NEDD4: variants seen among roughly 807,000 people sequenced by gnomAD.
NEDD4 encodes the protein NEDD4 E3 ubiquitin protein ligase.
In NEDD4, 99 loss-of-function variants were observed where a neutral mutation model predicts 144.9. The observed-to-expected ratio is 0.68, with a 90% CI of 0.58 to 0.81. NEDD4 has a LOEUF of 0.81. Ranked by LOEUF, NEDD4 falls within the 30% of genes least tolerant of loss-of-function variation. The probability of loss-of-function intolerance (pLI) is 0.00; values close to 1 mark genes in which losing one functional copy is unlikely to be tolerated. For missense variants in NEDD4, 985 were observed against 1,065.9 expected, an observed-to-expected ratio of 0.92 and a Z score of 1.06; for synonymous variants, 318 against 350.6, an observed-to-expected ratio of 0.91 and a Z score of 1.04.
At chr15:55,918,706 G>A (rs1479943571) in intron 5 of NEDD4, among the ~76,000 whole-genome samples, 1 of 152,120 alleles carries the variant, frequency 6.6e-6, no homozygotes, top group Non-Finnish European at 1.5e-5. Flanking sequence ...TGACTAGAAT[G>A]AAACAGCCCT....
At chr15:55,924,926 G>C (rs1040713967) in intron 4 of NEDD4, among the ~76,000 whole-genome samples, 1 of 152,160 alleles carries the variant, frequency 6.6e-6, no homozygotes, top group Non-Finnish European at 1.5e-5. Context: ...AAATGAGCCA[G>C]GTATGGTGGC....
chr15:55,889,713 T>TG (rs1321257425), intron 5 of NEDD4, among the ~76,000 whole-genome samples: 10 of 152,228 alleles, frequency 6.6e-5, no homozygotes, highest in African/African-American at 2.2e-4. Flanking sequence ...TGTTTTGTTT[T>TG]TTTTGGAGAC....
intron 9 of NEDD4, among the ~76,000 whole-genome samples, chr15:55,862,202 T>C (rs1298248420): frequency 6.6e-6 from 1 of 152,090 alleles, no homozygotes; most frequent in African/African-American, 2.4e-5. Flanking sequence ...GCACAAAATA[T>C]CATAGCCAAA....
At chr15:55,919,672 T>G (rs1381779008) in intron 5 of NEDD4, among the ~76,000 whole-genome samples, 1 of 152,168 alleles carries the variant, frequency 6.6e-6, no homozygotes, top group Non-Finnish European at 1.5e-5. Context: ...CTGGAAAGAA[T>G]CCATGCAAGT....
rs144267521 is a variant in NEDD4, at chr15:55,982,103, G to A, written c.45+11408C>T. The stretch of plus-strand genomic sequence containing the variant: ...GGCTGGGAGACAGGAGTAGGAGGAG[G>A]GCTTTGGCTGAAACTTCAAATGTTG... On this transcript the variant is annotated intron_variant, in intron 1 of 28. Coordinates refer to ENST00000435532, the MANE Select transcript of NEDD4 (RefSeq NM_006154.4). 2.9e-4 allele frequency among the ~76,000 whole-genome samples: 44 copies of A among 152,218 alleles called. 1 individual carries two copies. In the East Asian group the frequency reaches 8.3e-3, roughly 29 times the overall value.
chr15:55,932,351 C>T (rs942556576), intron 4 of NEDD4, among the ~76,000 whole-genome samples: 2 of 152,056 alleles, frequency 1.3e-5, no homozygotes, highest in Admixed American at 6.6e-5. Context: ...ATAGAGCCCT[C>T]GGAAATAATA....
intron 5 of NEDD4, 129 bp from the exon 6 acceptor site, chr15:55,874,137 T>C (rs148736733): frequency 4.6e-5 from 22 of 480,746 alleles, no homozygotes; most frequent in African/African-American, 2.5e-4. Context: ...GCAGCATCAA[T>C]GGAAAATAAA....
intron 5 of NEDD4, among the ~76,000 whole-genome samples, chr15:55,897,074 C>T (rs915458458): frequency 3.9e-5 from 6 of 152,100 alleles, no homozygotes; most frequent in East Asian, 3.8e-4. Flanking sequence ...CCCAGGTTCA[C>T]GCCATTCTCC....
intron 1 of NEDD4, among the ~76,000 whole-genome samples, chr15:55,992,429 A>G (rs1358689954): frequency 3.3e-5 from 5 of 152,234 alleles, no homozygotes; most frequent in Non-Finnish European, 5.9e-5. Context: ...CCAAGGTACT[A>G]AGAGAAGGAA....
rs1197378940 is a variant in NEDD4, at chr15:55,829,488, C to T, written c.*409G>A. On this transcript the variant is annotated 3_prime_UTR_variant, in exon 29 of 29. Coordinates refer to ENST00000435532, the MANE Select transcript of NEDD4 (RefSeq NM_006154.4). ...CTCAAAATGCATCAAACTTTTCACA[C>T]ATGACACGTATCACAAATATTTCAC... 1 of 155,830 alleles carries T rather than the reference C, an allele frequency of 6.4e-6. No homozygotes were observed. Among genetic ancestry groups the T allele is most frequent in the Non-Finnish European group, 1.4e-5 (1 of 70,068 alleles). The allele number at this position is 155,830 out of a possible 1,614,324, so 9.7% of individuals were successfully genotyped here.
At chr15:55,905,177 C>A in intron 5 of NEDD4, 2 of 401,352 alleles carry the variant, frequency 5.0e-6, no homozygotes, top group Non-Finnish European at 9.9e-6. Flanking sequence ...GTTAAGAATT[C>A]TGTAAGTAAA....
chr15:55,907,678 T>TTTGTTA (rs2036144459), intron 5 of NEDD4, among the ~76,000 whole-genome samples: 1 of 152,198 alleles, frequency 6.6e-6, no homozygotes, highest in Non-Finnish European at 1.5e-5. Context: ...AGGTCATTCT[T>TTTGTTA]AGCTGAAACA....
Position 55,937,707 on chromosome 15 carries a change from T to C in NEDD4, c.238-13008A>G, listed in dbSNP as rs1004043790. On this transcript the variant is annotated intron_variant, in intron 4 of 28. Transcript: ENST00000435532. Reference sequence around the variant, plus strand: ...TAAATGGAAAGACATCCTGTGTTCATGGATTGGAAGAACTTAATATTGTTA... The same window carrying C: ...TAAATGGAAAGACATCCTGTGTTCACGGATTGGAAGAACTTAATATTGTTA... Among the ~76,000 whole-genome samples, 5 of 152,242 alleles carry C rather than the reference T, an allele frequency of 3.3e-5. No individual in the cohort carries two copies. In the East Asian group the frequency reaches 5.8e-4, roughly 18 times the overall value.
At chr15:55,875,863 C>T (rs1406700434) in intron 5 of NEDD4, among the ~76,000 whole-genome samples, 26 of 151,786 alleles carry the variant, frequency 1.7e-4, no homozygotes, top group Admixed American at 1.7e-3. Context: ...AAAAAAACAG[C>T]CAAAATATTC....
chr15:55,876,027 C>G (rs1482791050), intron 5 of NEDD4, among the ~76,000 whole-genome samples: 5 of 152,080 alleles, frequency 3.3e-5, no homozygotes, highest in African/African-American at 1.2e-4. Context: ...ATACATTACA[C>G]ACAGGAGAAT....
intron 5 of NEDD4, among the ~76,000 whole-genome samples, chr15:55,888,405 A>G (rs936769963): frequency 4.6e-5 from 7 of 152,204 alleles, no homozygotes; most frequent in African/African-American, 1.7e-4. Flanking sequence ...ATTACCTAGG[A>G]ATTAACCAAA....
At chr15:55,880,802 T>A (rs1311400533) in intron 5 of NEDD4, among the ~76,000 whole-genome samples, 1 of 152,118 alleles carries the variant, frequency 6.6e-6, no homozygotes, top group African/African-American at 2.4e-5. Flanking sequence ...GATAATCATA[T>A]CGACTAGTAG....
At chr15:55,968,133 T>C (rs544293859) in intron 1 of NEDD4, among the ~76,000 whole-genome samples, 15 of 152,268 alleles carry the variant, frequency 9.9e-5, no homozygotes, top group Admixed American at 2.6e-4. Flanking sequence ...TTAATACTAT[T>C]CCCATTCTCC....
At position 55,862,967 on chromosome 15, in the gene NEDD4, G is replaced by A. The variant is rs371054999; in HGVS notation, c.620C>T (p.Thr207Ile). ...TCTAGATTCATGGTTTACATAATAG[G>A]TCCTTCCAAGGATATCCTGCCTCTC... The part of the protein sequence containing the change: ...WEERQDILGR[T>I]YYVNHESRRT... Residue 207 changes from threonine (T) to isoleucine (I), a missense_variant, in exon 9 of 29, where the codon ACC becomes ATC. Physicochemically the swap from Thr to Ile is moderately conservative, Grantham distance 89. Coordinates refer to ENST00000435532, the MANE Select transcript of NEDD4 (RefSeq NM_006154.4). 14 of 1,608,700 alleles carry A rather than the reference G, an allele frequency of 8.7e-6. No homozygotes were observed. Among genetic ancestry groups the A allele is most frequent in the Non-Finnish European group, 1.2e-5 (14 of 1,176,370 alleles).
Sources: allele counts gnomAD v4.1 joint callset (sites outside exome capture counted in the v4.1 genomes callset), GRCh38; gene constraint gnomAD v4.1.1; transcripts MANE v1.5; gene names NCBI Gene and HGNC (gene_info 2026-07-23, HGNC 2026-07-21).